Variants in TANK observed in about 807,000 individuals in gnomAD.
The protein encoded by TANK is TRAF family member associated NFKB activator, also known as TRAF family member-associated NF-kappa-B activator.
TANK carries 15 observed loss-of-function variants against 43.6 expected under a neutral mutation model. That is an observed-to-expected ratio of 0.34 (90% CI 0.23 to 0.53). TANK has a LOEUF of 0.53. Among genes scored for constraint, TANK ranks in the 20% least tolerant of loss-of-function variants. The probability of loss-of-function intolerance (pLI) is 0.94; values close to 1 mark genes in which losing one functional copy is unlikely to be tolerated. For missense variants in TANK, 417 were observed against 498.6 expected, an observed-to-expected ratio of 0.84 and a Z score of 1.56; for synonymous variants, 162 against 178.2, an observed-to-expected ratio of 0.91 and a Z score of 0.73.
At chr2:161,222,632 T>C (rs2105381745) in intron 4 of TANK, among the ~76,000 whole-genome samples, 1 of 152,198 alleles carries the variant, frequency 6.6e-6, no homozygotes, top group Admixed American at 6.5e-5. Context: ...TGTGAAAATA[T>C]CTTCTGATGT....
chr2:161,203,452 G>A (rs751953076), intron 2 of TANK, 35 bp from the exon 3 acceptor site: 1 of 1,401,860 alleles, frequency 7.1e-7, no homozygotes, highest in Non-Finnish European at 1.0e-6. Context: ...ATGTCTATCA[G>A]TGAATATCAG....
intron 4 of TANK, among the ~76,000 whole-genome samples, chr2:161,218,054 G>A (rs1239212678): frequency 6.6e-6 from 1 of 152,064 alleles, no homozygotes; most frequent in Non-Finnish European, 1.5e-5. Flanking sequence ...AGAAAATACT[G>A]CCAAATTGCC....
At chr2:161,181,237 A>G (rs965927768) in intron 2 of TANK, among the ~76,000 whole-genome samples, 2 of 152,116 alleles carry the variant, frequency 1.3e-5, no homozygotes, top group African/African-American at 2.4e-5. Flanking sequence ...CCTGACCAAC[A>G]TGGTGAAACC....
intron 2 of TANK, chr2:161,197,367 T>C (rs1387643381): frequency 2.0e-5 from 3 of 152,236 alleles, no homozygotes; most frequent in Admixed American, 6.5e-5. Flanking sequence ...GATACCATAC[T>C]GATTTCTCGT....
chr2:161,199,044 A>G (rs11898710), intron 2 of TANK, among the ~76,000 whole-genome samples: 34 of 152,142 alleles, frequency 2.2e-4, no homozygotes, highest in African/African-American at 7.0e-4. Context: ...AAATTTCAAG[A>G]TGTATTTTAA....
upstream of TANK, chr2:161,156,282 C>T: frequency 3.0e-6 from 3 of 985,318 alleles, no homozygotes; most frequent in Non-Finnish European, 3.6e-6. Flanking sequence ...ATACTGATTC[C>T]ATCTTTGATT....
chr2:161,215,880 C>A (rs1687094667), intron 4 of TANK, among the ~76,000 whole-genome samples: 1 of 151,960 alleles, frequency 6.6e-6, no homozygotes, highest in Admixed American at 6.6e-5. Flanking sequence ...TTTTTCTTTG[C>A]CAGTTAGTCA....
chr2:161,232,388 A>G (rs548151649), intron 7 of TANK, among the ~76,000 whole-genome samples: 3 of 152,324 alleles, frequency 2.0e-5, no homozygotes, highest in African/African-American at 7.2e-5. Flanking sequence ...GCCTTGAGAT[A>G]TTTAATTTTT....
Position 161,219,046 on chromosome 2 carries a change from A to G in TANK, c.328-4869A>G, listed in dbSNP as rs180888920. On this transcript the variant is annotated intron_variant, in intron 4 of 7. Transcript: ENST00000392749. The stretch of plus-strand genomic sequence containing the variant: ...TTTTGCATTAAAAAAGCATGTCCAC[A>G]ATTAAATATTTCTTCCCTTTAAAGA... Among the ~76,000 whole-genome samples the G allele has an allele frequency of 1.9e-3, 290 of 152,354 alleles. 1 individual carries two copies. The highest frequency in any genetic ancestry group is 6.6e-3 in the African/African-American group (275 of 41,582).
At chr2:161,217,972 C>T (rs1019305096) in intron 4 of TANK, among the ~76,000 whole-genome samples, 15 of 152,056 alleles carry the variant, frequency 9.9e-5, no homozygotes, top group Admixed American at 8.5e-4. Flanking sequence ...TAGGGTACTC[C>T]ACCCATTGTC....
At chr2:161,202,758 A>G (rs969111735) in intron 2 of TANK, 1 of 396,312 alleles carries the variant, frequency 2.5e-6, no homozygotes, top group Non-Finnish European at 5.1e-6. Flanking sequence ...AGACTGTACT[A>G]ATTTGGTAAT....
intron 1 of TANK, among the ~76,000 whole-genome samples, chr2:161,152,498 T>C (rs942111511): frequency 1.1e-4 from 17 of 152,164 alleles, no homozygotes; most frequent in Non-Finnish European, 2.1e-4. Context: ...CAAAGCAAAA[T>C]TGGCTGTTAA....
At chr2:161,160,666 G>T (rs1684377370) in intron 1 of TANK, 180 bp downstream of exon 1, 3 of 475,590 alleles carry the variant, frequency 6.3e-6, no homozygotes, top group Admixed American at 7.2e-5. Context: ...GAGAAACCAC[G>T]CGAGTCCTTC....
chr2:161,179,772 C>T lies in TANK; in HGVS notation c.99+11C>T. On this transcript the variant is annotated intron_variant, in intron 2 of 7. Coordinates refer to ENST00000392749, the MANE Select transcript of TANK (RefSeq NM_001199135.3). ...GAATTACAGCAAAAGGTGTGTGGTT[C>T]TGGTTTTGAAAGTTATTCTTTATCT... The T allele has an allele frequency of 6.2e-7, 1 of 1,604,658 alleles. No homozygotes were observed. The highest frequency in any genetic ancestry group is 1.3e-5 in the African/African-American group (1 of 74,682).
At position 161,203,569 on chromosome 2, in the gene TANK, A is replaced by T; in HGVS notation, c.182A>T (p.Gln61Leu). Residue 61 changes from glutamine (Q) to leucine (L), a missense_variant, in exon 3 of 8, where the codon CAG becomes CTG. Transcript: ENST00000392749. Reference protein sequence around the residue: ...QQTIIDKLKSQLLLVNSTQDN... With the variant: ...QQTIIDKLKSLLLLVNSTQDN... ...ACTATTATTGACAAGCTAAAATCTC[A>T]GTTACTTCTTGTGAATTCCACTCAA... The T allele has an allele frequency of 1.3e-6, 2 of 1,588,722 alleles. No individual in the cohort carries two copies. Among genetic ancestry groups the T allele is most frequent in the Non-Finnish European group, 1.7e-6 (2 of 1,158,300 alleles).
intron 2 of TANK, among the ~76,000 whole-genome samples, chr2:161,185,130 GA>G (rs1685599203): frequency 6.6e-6 from 1 of 151,738 alleles, no homozygotes; most frequent in Admixed American, 6.6e-5. Flanking sequence ...CATAGAGAGG[GA>G]AAAATCATTA....
chr2:161,156,653 G>A (rs995007771), upstream of TANK, among the ~76,000 whole-genome samples: 13 of 63,684 alleles, frequency 2.0e-4, no homozygotes, highest in Non-Finnish European at 4.0e-4. Flanking sequence ...CTCATTATCT[G>A]TCTGATGCTA....
chr2:161,168,162 A>T (rs1486574398), intron 1 of TANK, among the ~76,000 whole-genome samples: 1 of 152,166 alleles, frequency 6.6e-6, no homozygotes, highest in African/African-American at 2.4e-5. Flanking sequence ...GCTGTCACAC[A>T]CTTACATTTC....
chr2:161,230,851 G>T, intron 6 of TANK, 120 bp from the exon 7 acceptor site: 2 of 775,076 alleles, frequency 2.6e-6, no homozygotes, highest in South Asian at 3.7e-5. Flanking sequence ...AATCCCAGTT[G>T]TCTTCATTTG....
Sources: allele counts gnomAD v4.1 joint callset (sites outside exome capture counted in the v4.1 genomes callset), GRCh38; gene constraint gnomAD v4.1.1; transcripts MANE v1.5; gene names NCBI Gene and HGNC (gene_info 2026-07-23, HGNC 2026-07-21).